Variants in NFIB observed in about 807,000 individuals in gnomAD.
NFIB encodes the protein nuclear factor 1 B-type.
In NFIB, 11 loss-of-function variants were observed where a neutral mutation model predicts 61.5. The ratio of observed to expected loss-of-function variants is 0.18; its 90% confidence interval spans 0.11 to 0.30. NFIB has a LOEUF of 0.30. NFIB is among the 10% of genes least tolerant of loss of function. The pLI, the probability that NFIB is intolerant of heterozygous loss-of-function variation, is 1.00. For synonymous variants in NFIB, 260 were observed against 216.5 expected (o/e 1.20, Z -1.76); for missense variants, 471 against 608.9 (o/e 0.77, Z 2.38).
At chr9:14,129,387 CAA>C (rs534691060) in intron 6 of NFIB, among the ~76,000 whole-genome samples, 7 of 55,620 alleles carry the variant, frequency 1.3e-4, no homozygotes, top group Admixed American at 2.0e-4. Flanking sequence ...AATCCCCGCT[CAA>C]AAAAAAAAAA....
chr9:14,394,256 T>C (rs2061657318), intron 1 of NFIB, among the ~76,000 whole-genome samples: 1 of 152,212 alleles, frequency 6.6e-6, no homozygotes, highest in Non-Finnish European at 1.5e-5. Flanking sequence ...ACAGACACTC[T>C]AGTTGGACAT....
intron 1 of NFIB, among the ~76,000 whole-genome samples, chr9:14,368,463 T>C (rs1025830441): frequency 4.6e-5 from 7 of 152,226 alleles, no homozygotes; most frequent in African/African-American, 1.4e-4. Flanking sequence ...AAGAACTCTG[T>C]AGCTACGGAC....
chr9:14,300,685 A>T (rs1169848832), intron 2 of NFIB, among the ~76,000 whole-genome samples: 2 of 152,228 alleles, frequency 1.3e-5, no homozygotes, highest in Non-Finnish European at 2.9e-5. Flanking sequence ...TGATAACAGA[A>T]ATGAAAACTA....
At chr9:14,441,070 T>C in the NFIB span, among the ~76,000 whole-genome samples, 1 of 149,382 alleles carries the variant, frequency 6.7e-6, no homozygotes, top group South Asian at 2.1e-4. Context: ...AAAGATATCT[T>C]GGATAAAAAA....
chr9:14,429,015 C>G, the NFIB span, among the ~76,000 whole-genome samples: 1 of 152,170 alleles, frequency 6.6e-6, no homozygotes, highest in Non-Finnish European at 1.5e-5. Context: ...CTGCCTGGCT[C>G]TTTGCTTATT....
intron 3 of NFIB, 64 bp downstream of exon 3, chr9:14,179,656 GTTTATCT>G: frequency 1.3e-6 from 2 of 1,538,362 alleles, no homozygotes; most frequent in Non-Finnish European, 1.8e-6. Context: ...ATTATGGGGT[GTTTATCT>G]ATACAGTGGT....
intron 6 of NFIB, among the ~76,000 whole-genome samples, chr9:14,145,580 T>A (rs968032065): frequency 6.6e-6 from 1 of 151,914 alleles, no homozygotes; most frequent in African/African-American, 2.4e-5. Context: ...GTACTCAACA[T>A]AGAGTACCCC....
the NFIB span, among the ~76,000 whole-genome samples, chr9:14,527,448 C>T: frequency 6.6e-6 from 1 of 152,138 alleles, no homozygotes; most frequent in African/African-American, 2.4e-5. Flanking sequence ...GTACTAATTA[C>T]CATGACACTG....
At chr9:14,311,162 T>G in intron 1 of NFIB, among the ~76,000 whole-genome samples, 1 of 152,186 alleles carries the variant, frequency 6.6e-6, no homozygotes, top group East Asian at 1.9e-4. Flanking sequence ...TAGCATACTA[T>G]TTTGCTAAAC....
intron 1 of NFIB, among the ~76,000 whole-genome samples, chr9:14,342,748 CACT>C (rs1201089655): frequency 1.3e-5 from 2 of 152,098 alleles, no homozygotes; most frequent in African/African-American, 4.8e-5. Context: ...GACAAGTTGT[CACT>C]ACCAACTAAA....
At chr9:14,226,868 G>A (rs1378048611) in intron 2 of NFIB, among the ~76,000 whole-genome samples, 1 of 152,060 alleles carries the variant, frequency 6.6e-6, no homozygotes, top group Non-Finnish European at 1.5e-5. Flanking sequence ...GGCCAGGCAC[G>A]GTGGTGCACA....
the NFIB span, among the ~76,000 whole-genome samples, chr9:14,508,081 T>G: frequency 6.6e-6 from 1 of 151,238 alleles, no homozygotes; most frequent in Admixed American, 6.6e-5. Flanking sequence ...ATTAGGCATA[T>G]ATAATATTAA....
intron 2 of NFIB, among the ~76,000 whole-genome samples, chr9:14,303,654 G>T (rs934701161): frequency 6.6e-6 from 1 of 152,228 alleles, no homozygotes; most frequent in African/African-American, 2.4e-5. Flanking sequence ...CTGCAATGCG[G>T]ATGCCAACCA....
At chr9:14,360,653 T>C (rs1331585661) in intron 1 of NFIB, among the ~76,000 whole-genome samples, 1 of 151,804 alleles carries the variant, frequency 6.6e-6, no homozygotes, top group Non-Finnish European at 1.5e-5. Context: ...CACACCATTC[T>C]CCTGCCTCAG....
chr9:14,303,885 C>T lies in NFIB; in HGVS notation c.562+3104G>A, dbSNP rs531875383. Among the ~76,000 whole-genome samples, 147 of 152,312 alleles carry T rather than the reference C, an allele frequency of 9.7e-4. 1 individual carries two copies. Among genetic ancestry groups the T allele is most frequent in the Admixed American group, 2.2e-3 (34 of 15,294 alleles). ...CTTTATGGATTTAAACGCAGTTACT[C>T]CCAAATGATGTGTACATTTTAGGTG... On this transcript the variant is annotated intron_variant, in intron 2 of 10. Coordinates refer to ENST00000380953, the MANE Select transcript of NFIB (RefSeq NM_001190737.2).
At chr9:14,521,599 T>A in the NFIB span, among the ~76,000 whole-genome samples, 1 of 147,306 alleles carries the variant, frequency 6.8e-6, no homozygotes, top group African/African-American at 2.5e-5. Context: ...TACATCGGAG[T>A]TCTTTGTGGA....
At chr9:14,342,849 C>T (rs2060968552) in intron 1 of NFIB, among the ~76,000 whole-genome samples, 1 of 152,168 alleles carries the variant, frequency 6.6e-6, no homozygotes. Context: ...TATCACCAAG[C>T]AACCAAACAA....
chr9:14,419,424 T>C, the NFIB span, among the ~76,000 whole-genome samples: 1 of 152,118 alleles, frequency 6.6e-6, no homozygotes. Flanking sequence ...GATTAATCCC[T>C]ACCAACCATG....
chr9:14,333,022 T>C (rs909685958), intron 1 of NFIB, among the ~76,000 whole-genome samples: 3 of 152,124 alleles, frequency 2.0e-5, no homozygotes, highest in African/African-American at 7.2e-5. Context: ...TTCAGGGGTA[T>C]CTAGAGAGGA....
Sources: gnomAD v4.1 joint callset for allele counts (sites outside exome capture counted in the v4.1 genomes callset) on GRCh38, gnomAD v4.1.1 for gene constraint, MANE v1.5 for transcripts, NCBI Gene and HGNC (gene_info 2026-07-23, HGNC 2026-07-21) for gene names.